The following SLC25A13 variants were observed in gnomAD, a reference collection of about 807,000 sequenced individuals.
SLC25A13 encodes the protein electrogenic aspartate/glutamate antiporter SLC25A13, mitochondrial.
A neutral mutation model predicts 85.5 loss-of-function variants in SLC25A13; 70 were observed. The ratio of observed to expected loss-of-function variants is 0.82; its 90% CI spans 0.68 to 1.00. The LOEUF is 1.00. Ranked by LOEUF, SLC25A13 falls within the 50% of genes least tolerant of loss-of-function variation. The pLI, the probability that SLC25A13 is intolerant of heterozygous loss-of-function variation, is 0.00. For synonymous variants in SLC25A13, 259 were observed against 288.7 expected, an observed-to-expected ratio of 0.90 and a Z score of 1.04; for missense variants, 765 against 819.8, an observed-to-expected ratio of 0.93 and a Z score of 0.82.
chr7:96,177,703 G>C (rs541019381), intron 11 of SLC25A13, among the ~76,000 whole-genome samples: 1 of 152,280 alleles, frequency 6.6e-6, no homozygotes, highest in South Asian at 2.1e-4. Context: ...TGTTGTTGTT[G>C]TTGATCTTCA....
intron 14 of SLC25A13, among the ~76,000 whole-genome samples, chr7:96,142,520 G>C (rs975479178): frequency 2.0e-5 from 3 of 152,092 alleles, no homozygotes; most frequent in Non-Finnish European, 4.4e-5. Context: ...TGGTAACCTA[G>C]GGTGATTCTA....
rs868206127 is a variant in SLC25A13 at position 96,321,674 on chromosome 7, C to A, written c.15+268G>T. 9.9e-4 allele frequency among the ~76,000 whole-genome samples: 151 copies of A among 152,296 alleles called. 2 individuals carry two copies. Among genetic ancestry groups the A allele is most frequent in the African/African-American group, 3.5e-3 (147 of 41,566 alleles). On this transcript the variant is annotated intron_variant, in intron 1 of 17. Coordinates refer to ENST00000265631, the MANE Select transcript of SLC25A13 (RefSeq NM_014251.3). ...CTCGTCGGCCCTGGCTCAGCCCCGT[C>A]AGGCACCAACTTCCCTCCCCGGCCA...
intron 2 of SLC25A13, among the ~76,000 whole-genome samples, chr7:96,285,248 C>G (rs1562903727): frequency 6.6e-6 from 1 of 152,116 alleles, no homozygotes; most frequent in Non-Finnish European, 1.5e-5. Context: ...CTCCTGCTGC[C>G]GCAACCCTAA....
At chr7:96,275,845 C>T (rs1011223588) in intron 3 of SLC25A13, among the ~76,000 whole-genome samples, 2 of 152,100 alleles carry the variant, frequency 1.3e-5, no homozygotes, top group African/African-American at 4.8e-5. Context: ...ACGTAACTAA[C>T]CCGCACATTG....
intron 4 of SLC25A13, among the ~76,000 whole-genome samples, chr7:96,216,038 C>T (rs1230784572): frequency 1.3e-5 from 2 of 151,788 alleles, no homozygotes; most frequent in Non-Finnish European, 2.9e-5. Flanking sequence ...GCCTGTAATC[C>T]CAGCTACTCA....
intron 4 of SLC25A13, among the ~76,000 whole-genome samples, chr7:96,217,568 CAT>C (rs1455408133): frequency 1.3e-5 from 2 of 152,052 alleles, no homozygotes; most frequent in Admixed American, 6.6e-5. Flanking sequence ...AAAGGAATAA[CAT>C]ATGTGCTACA....
At chr7:96,286,614 A>G (rs183433468) in intron 2 of SLC25A13, among the ~76,000 whole-genome samples, 83 of 152,254 alleles carry the variant, frequency 5.5e-4, no homozygotes, top group African/African-American at 1.8e-3. Context: ...CCTGTACACT[A>G]CTTATCAATC....
intron 4 of SLC25A13, among the ~76,000 whole-genome samples, chr7:96,232,267 CG>C (rs2116805876): frequency 6.6e-6 from 1 of 151,654 alleles, no homozygotes; most frequent in Non-Finnish European, 1.5e-5. Flanking sequence ...AAAAAAACAA[CG>C]AGATCATGTC....
chr7:96,126,850 C>G (rs901218126), intron 15 of SLC25A13, among the ~76,000 whole-genome samples: 4 of 152,122 alleles, frequency 2.6e-5, no homozygotes, highest in African/African-American at 9.7e-5. Flanking sequence ...TCAATTTCTT[C>G]ATTACTTTTT....
intron 11 of SLC25A13, among the ~76,000 whole-genome samples, chr7:96,172,766 T>A (rs1484989321): frequency 6.6e-6 from 1 of 151,298 alleles, no homozygotes; most frequent in Non-Finnish European, 1.5e-5. Context: ...CGCCAGTTTG[T>A]ATTTTTTTTT....
intron 1 of SLC25A13, among the ~76,000 whole-genome samples, chr7:96,321,603 G>A (rs982839434): frequency 6.6e-6 from 1 of 152,172 alleles, no homozygotes; most frequent in African/African-American, 2.4e-5. Flanking sequence ...GACCCCCAGC[G>A]CTTGCCGGCC....
chr7:96,285,609 CT>C (rs1239000971), intron 2 of SLC25A13, among the ~76,000 whole-genome samples: 1 of 152,160 alleles, frequency 6.6e-6, no homozygotes, highest in Non-Finnish European at 1.5e-5. Context: ...ATGGGGGCTG[CT>C]CCCTCCTTCC....
At chr7:96,218,232 T>C (rs1795973285) in intron 4 of SLC25A13, among the ~76,000 whole-genome samples, 1 of 152,216 alleles carries the variant, frequency 6.6e-6, no homozygotes, top group African/African-American at 2.4e-5. Context: ...GCAATAATTT[T>C]CCTCAAATAT....
intron 13 of SLC25A13, among the ~76,000 whole-genome samples, chr7:96,152,947 AG>A: frequency 6.6e-6 from 1 of 152,320 alleles, no homozygotes; most frequent in Non-Finnish European, 1.5e-5. Flanking sequence ...GGGAAGGGAA[AG>A]TGAGAAAATG....
chr7:96,234,939 A>G (rs543150017), intron 3 of SLC25A13, 22 bp from the exon 4 acceptor site: 2 of 1,578,562 alleles, frequency 1.3e-6, no homozygotes, highest in Non-Finnish European at 1.7e-6. Flanking sequence ...AACAAACATA[A>G]AGCAAAAGTC....
intron 14 of SLC25A13, among the ~76,000 whole-genome samples, chr7:96,135,867 T>TG (rs1299229786): frequency 6.6e-6 from 1 of 151,668 alleles, no homozygotes; most frequent in African/African-American, 2.4e-5. Context: ...GGTTTTTTTT[T>TG]TTTTTTTTTT....
chr7:96,305,580 T>C lies in SLC25A13; in HGVS notation c.16-8629A>G, dbSNP rs189222431. On this transcript the variant is annotated intron_variant, in intron 1 of 17. Coordinates refer to ENST00000265631, the MANE Select transcript of SLC25A13 (RefSeq NM_014251.3). ...AAATTACTACTGCTCCTTAAATGAA[T>C]AAAAACTGATTGTGCTATTCTGAAG... Among the ~76,000 whole-genome samples, 5 of 152,292 alleles carry C rather than the reference T, an allele frequency of 3.3e-5. No individual in the cohort carries two copies. The East Asian group carries it at 9.7e-4, about 29-fold the overall frequency.
intron 4 of SLC25A13, among the ~76,000 whole-genome samples, chr7:96,229,872 C>T (rs1037915692): frequency 2.2e-4 from 33 of 152,104 alleles, no homozygotes; most frequent in Middle Eastern, 3.2e-3. Flanking sequence ...CACGAGGGTC[C>T]GCAGCTTCAT....
At chr7:96,149,563 G>A (rs1792942202) in intron 13 of SLC25A13, among the ~76,000 whole-genome samples, 1 of 152,216 alleles carries the variant, frequency 6.6e-6, no homozygotes, top group Non-Finnish European at 1.5e-5. Flanking sequence ...AAAGAATGTA[G>A]TGATATCAAG....
Sources: gnomAD v4.1 joint callset for allele counts (sites outside exome capture counted in the v4.1 genomes callset) on GRCh38, gnomAD v4.1.1 for gene constraint, MANE v1.5 for transcripts, NCBI Gene and HGNC (gene_info 2026-07-23, HGNC 2026-07-21) for gene names.